The following REC114 variants were observed in gnomAD, a reference collection of about 807,000 sequenced individuals.
REC114 encodes meiotic recombination protein REC114.
A neutral mutation model predicts 31.3 loss-of-function variants in REC114; 27 were observed. The observed-to-expected ratio is 0.86, with a 90% CI of 0.64 to 1.19. The LOEUF is 1.19. Ranked by LOEUF, REC114 falls within the 50% of genes most tolerant of loss-of-function variation. The pLI is 0.00. For missense variants in REC114, 344 were observed against 326.9 expected (o/e 1.05, Z -0.40); for synonymous variants, 134 against 127.7 (o/e 1.05, Z -0.33).
rs778339430 is a variant in REC114 at position 73,551,040 on chromosome 15, G to A, written c.436G>A (p.Val146Met). 8.1e-6 allele frequency: 13 copies of A among 1,613,748 alleles called. No homozygotes were observed. Among genetic ancestry groups the A allele is most frequent in the South Asian group, 3.3e-5 (3 of 91,078 alleles). Reference protein sequence around the residue: ...CVQKLAQYITVQVPDGNIQEL... With the variant: ...CVQKLAQYITMQVPDGNIQEL... ...TCAGAAGCTGGCACAATACATAACC[G>A]TGCAGGTGCCTGATGGAAACATCCA... The change falls in exon 4 of 6, where the codon GTG (valine) becomes ATG (methionine). Residue 146 changes from valine (V) to methionine (M), a missense_variant. Coordinates refer to ENST00000331090, the MANE Select transcript of REC114 (RefSeq NM_001042367.2).
chr15:73,468,391 T>C (rs1893089534), intron 1 of REC114, among the ~76,000 whole-genome samples: 1 of 152,198 alleles, frequency 6.6e-6, no homozygotes, highest in African/African-American at 2.4e-5. Context: ...TCTTCATTAG[T>C]GTATGTAAAT....
At chr15:73,558,171 C>T (rs1411609198) in intron 5 of REC114, among the ~76,000 whole-genome samples, 1 of 152,116 alleles carries the variant, frequency 6.6e-6, no homozygotes, top group Non-Finnish European at 1.5e-5. Context: ...TATTGAGACC[C>T]CCATCTCTAA....
intron 1 of REC114, among the ~76,000 whole-genome samples, chr15:73,462,568 C>T (rs762956829): frequency 3.3e-5 from 5 of 152,030 alleles, no homozygotes; most frequent in Admixed American, 6.5e-5. Flanking sequence ...TAGTGATACA[C>T]GTATGCATCA....
At chr15:73,529,201 G>A (rs1028559174) in intron 2 of REC114, among the ~76,000 whole-genome samples, 4 of 151,528 alleles carry the variant, frequency 2.6e-5, no homozygotes, top group African/African-American at 9.7e-5. Flanking sequence ...GCAGTGGCGT[G>A]TTCTCAGCTC....
intron 2 of REC114, among the ~76,000 whole-genome samples, chr15:73,475,171 C>G (rs928948975): frequency 6.6e-6 from 1 of 152,180 alleles, no homozygotes; most frequent in African/African-American, 2.4e-5. Flanking sequence ...CATACTGTGT[C>G]TCTGCTCCAT....
intron 1 of REC114, among the ~76,000 whole-genome samples, chr15:73,461,592 T>C (rs1892987427): frequency 1.3e-5 from 2 of 152,204 alleles, no homozygotes; most frequent in South Asian, 2.1e-4. Context: ...AGATTTTTCT[T>C]ATAGTACTGA....
chr15:73,473,985 T>C (rs1383463679), intron 2 of REC114, 64 bp downstream of exon 2: 12 of 1,074,978 alleles, frequency 1.1e-5, no homozygotes, highest in Non-Finnish European at 1.6e-5. Context: ...TTTACATGAA[T>C]TTTTGTATCC....
At chr15:73,508,386 A>G (rs1004925999) in intron 2 of REC114, among the ~76,000 whole-genome samples, 18 of 149,708 alleles carry the variant, frequency 1.2e-4, no homozygotes, top group Non-Finnish European at 2.1e-4. Flanking sequence ...ATCTGCCAGT[A>G]TATATATCAA....
At chr15:73,529,477 A>T (rs749930109) in intron 2 of REC114, among the ~76,000 whole-genome samples, 2 of 152,152 alleles carry the variant, frequency 1.3e-5, no homozygotes, top group African/African-American at 4.8e-5. Flanking sequence ...AAATATATAC[A>T]GATACTTGGA....
rs544545216 is a variant in REC114, at chr15:73,541,637, GA to G, written c.333+1071del. Among the ~76,000 whole-genome samples, 540 of 152,260 alleles carry G rather than the reference GA, an allele frequency of 3.5e-3. 5 individuals carry two copies. The highest frequency in any genetic ancestry group is 0.017 in the Middle Eastern group (5 of 294). On this transcript the variant is annotated intron_variant, in intron 3 of 5. Transcript: ENST00000331090. ...GGAGCACACACTCCAAAATGTTCAA[GA>G]ACCCCTGTTTTGTTTCCCATATAAG...
At chr15:73,488,541 A>G (rs914056508) in intron 2 of REC114, among the ~76,000 whole-genome samples, 7 of 152,192 alleles carry the variant, frequency 4.6e-5, no homozygotes, top group African/African-American at 1.7e-4. Flanking sequence ...ATTCTATTTC[A>G]TTGCCTTTAA....
Position 73,551,149 on chromosome 15 carries a change from G to A in REC114, c.545G>A (p.Gly182Glu). 6.3e-7 allele frequency: 1 copy of A among 1,597,890 alleles called. No homozygotes were observed. The highest frequency in any genetic ancestry group is 8.5e-7 in the Non-Finnish European group (1 of 1,172,250). Residue 182 changes from glycine (G) to glutamate (E), a missense_variant and splice_region_variant, in exon 4 of 6, where the codon GGA becomes GAA. Physicochemically the swap from Gly to Glu is moderately conservative, Grantham distance 98. Coordinates refer to ENST00000331090, the MANE Select transcript of REC114 (RefSeq NM_001042367.2). ...GCAAAGAGTGTCCCACGGCAGCCTG[G>A]AGTAAGTAGGCTGATGTGTTGGTTA... The part of the protein sequence containing the change: ...DSAKSVPRQP[G>E]SHQHSEQQQV...
chr15:73,545,729 TTA>T (rs1287584486), intron 3 of REC114, among the ~76,000 whole-genome samples: 1 of 152,190 alleles, frequency 6.6e-6, no homozygotes, highest in East Asian at 1.9e-4. Flanking sequence ...ACCTGTAGAC[TTA>T]TATAACTGGT....
intron 3 of REC114, among the ~76,000 whole-genome samples, chr15:73,545,854 C>A (rs545528233): frequency 4.8e-4 from 73 of 152,206 alleles, no homozygotes; most frequent in African/African-American, 1.8e-3. Context: ...ATTGCAGAAT[C>A]CTAATAGCTA....
chr15:73,511,476 T>C (rs1213399284), intron 2 of REC114, among the ~76,000 whole-genome samples: 14 of 152,256 alleles, frequency 9.2e-5, no homozygotes, highest in Admixed American at 2.0e-4. Context: ...TATTTCTTGC[T>C]TTCTGCTAGC....
intron 2 of REC114, among the ~76,000 whole-genome samples, chr15:73,519,521 T>C (rs1361085964): frequency 6.6e-6 from 1 of 152,206 alleles, no homozygotes; most frequent in Non-Finnish European, 1.5e-5. Context: ...CCTTATACAC[T>C]GTTGATGGGA....
At chr15:73,513,420 C>T (rs1380778618) in intron 2 of REC114, among the ~76,000 whole-genome samples, 3 of 148,412 alleles carry the variant, frequency 2.0e-5, no homozygotes, top group East Asian at 2.0e-4. Flanking sequence ...GTAATTTGAT[C>T]GTCTGAAGCC....
At chr15:73,522,226 C>T (rs1329704808) in intron 2 of REC114, among the ~76,000 whole-genome samples, 1 of 152,138 alleles carries the variant, frequency 6.6e-6, no homozygotes, top group Non-Finnish European at 1.5e-5. Context: ...TATTTCTTGC[C>T]TCTCTGCTTT....
In REC114 at chr15:73,496,309, G is replaced by A. The variant is rs371070313; in HGVS notation, c.249+22388G>A. 6.7e-3 allele frequency among the ~76,000 whole-genome samples: 893 copies of A among 132,518 alleles called. 14 individuals are homozygous for A. The highest frequency in any genetic ancestry group is 6.5e-3 in the Non-Finnish European group (427 of 65,618). The allele number at this position is 132,518 out of a possible 152,430, so 86.9% of individuals were successfully genotyped here. A position where few individuals can be genotyped will look rare whatever the true frequency, so the allele number is the denominator to read the frequency against. On this transcript the variant is annotated intron_variant, in intron 2 of 5. Transcript: ENST00000331090. ...AGAGGTTGCAGTGAGCTGAGATCGT[G>A]CCACTGCAAATTCAGCCTGGTGACA...
Sources: gnomAD v4.1 joint callset for allele counts (sites outside exome capture counted in the v4.1 genomes callset) on GRCh38, gnomAD v4.1.1 for gene constraint, MANE v1.5 for transcripts, NCBI Gene and HGNC (gene_info 2026-07-23, HGNC 2026-07-21) for gene names.